Variants in KLF12 observed in about 807,000 individuals in gnomAD.
KLF12 encodes Krueppel-like factor 12.
A neutral mutation model predicts 37.8 loss-of-function variants in KLF12; 9 were observed. The ratio of observed to expected loss-of-function variants is 0.24; its 90% CI spans 0.14 to 0.42. The LOEUF (loss-of-function observed/expected upper bound fraction) is 0.42. Among genes scored for constraint, KLF12 ranks in the 10% least tolerant of loss-of-function variants. The pLI is 1.00. For missense variants in KLF12, 411 were observed against 516.0 expected (o/e 0.80, Z 1.97); for synonymous variants, 208 against 202.1 (o/e 1.03, Z -0.25).
intron 5 of KLF12, among the ~76,000 whole-genome samples, chr13:73,780,328 T>G (rs1594082795): frequency 6.6e-6 from 1 of 152,294 alleles, no homozygotes; most frequent in East Asian, 1.9e-4. Flanking sequence ...GAGATTTTGG[T>G]GCACCTGTCA....
chr13:74,120,701 G>T (rs990455129), intron 1 of KLF12, among the ~76,000 whole-genome samples: 19 of 151,894 alleles, frequency 1.3e-4, no homozygotes, highest in Admixed American at 1.2e-3. Flanking sequence ...GGATGGATAG[G>T]CTATAACATG....
the KLF12 span, among the ~76,000 whole-genome samples, chr13:74,265,400 T>C: frequency 1.3e-5 from 2 of 152,156 alleles, no homozygotes; most frequent in African/African-American, 4.8e-5. Context: ...ATCACAAAGT[T>C]CCTAATAAAT....
intron 7 of KLF12, among the ~76,000 whole-genome samples, chr13:73,697,802 G>A (rs1413384451): frequency 6.6e-6 from 1 of 152,164 alleles, no homozygotes; most frequent in Non-Finnish European, 1.5e-5. Context: ...CTGGAGATGA[G>A]CGTTGCTCAG....
At chr13:74,050,475 A>C (rs7989171) in intron 1 of KLF12, among the ~76,000 whole-genome samples, 1 of 152,080 alleles carries the variant, frequency 6.6e-6, no homozygotes, top group East Asian at 1.9e-4. Context: ...GGATGGTTAC[A>C]GGTAAGCCTG....
At chr13:74,013,657 G>C (rs1217788942) in intron 1 of KLF12, among the ~76,000 whole-genome samples, 1 of 151,996 alleles carries the variant, frequency 6.6e-6, no homozygotes, top group Non-Finnish European at 1.5e-5. Context: ...AGATTTCTCT[G>C]GGCCCTTGCA....
the KLF12 span, among the ~76,000 whole-genome samples, chr13:74,260,962 G>A: frequency 1.3e-5 from 2 of 152,248 alleles, no homozygotes; most frequent in South Asian, 4.2e-4. Context: ...TCAGCTTAAG[G>A]ATACACTGGA....
At chr13:74,109,449 A>T (rs1190888891) in intron 1 of KLF12, among the ~76,000 whole-genome samples, 1 of 152,138 alleles carries the variant, frequency 6.6e-6, no homozygotes, top group Non-Finnish European at 1.5e-5. Flanking sequence ...ACATTTGAAG[A>T]ATAGATAATA....
At chr13:73,785,614 T>TC (rs1881289840) in intron 5 of KLF12, among the ~76,000 whole-genome samples, 1 of 152,156 alleles carries the variant, frequency 6.6e-6, no homozygotes, top group African/African-American at 2.4e-5. Flanking sequence ...TGCCCATTTT[T>TC]TTTTTTTTAG....
intron 3 of KLF12, among the ~76,000 whole-genome samples, chr13:73,869,587 T>A (rs1356759700): frequency 6.6e-6 from 1 of 152,120 alleles, no homozygotes; most frequent in Non-Finnish European, 1.5e-5. Context: ...TTTTCTATAA[T>A]TATTCTGCAA....
intron 3 of KLF12, among the ~76,000 whole-genome samples, chr13:73,892,699 G>T (rs571009929): frequency 5.2e-4 from 79 of 152,268 alleles, no homozygotes; most frequent in Non-Finnish European, 8.2e-4. Context: ...TGGATTGCTA[G>T]AGAAAGACAT....
the KLF12 span, among the ~76,000 whole-genome samples, chr13:74,280,996 T>C: frequency 7.2e-5 from 11 of 152,208 alleles, 1 homozygote; most frequent in South Asian, 2.1e-3. Flanking sequence ...GTGAAAACTA[T>C]TTGTAATCCA....
chr13:73,988,891 T>C (rs1239653013), intron 2 of KLF12, among the ~76,000 whole-genome samples: 2 of 152,242 alleles, frequency 1.3e-5, no homozygotes, highest in African/African-American at 4.8e-5. Context: ...AGAATTTTTT[T>C]CTCATTTAAC....
In KLF12 at chr13:73,912,639, T is replaced by C. The variant is rs1437077590; in HGVS notation, c.123+31342A>G. On this transcript the variant is annotated intron_variant, in intron 3 of 7. Transcript: ENST00000377669. The stretch of plus-strand genomic sequence containing the variant: ...ACAGGTTTCAGAGAGCCCATGTCCC[T>C]GTTGACATGATAACTGTGGACTTCC... Among the ~76,000 whole-genome samples the C allele has an allele frequency of 2.6e-5, 4 of 152,198 alleles. 1 individual carries two copies. The highest frequency in any genetic ancestry group is 1.5e-5 in the Non-Finnish European group (1 of 68,034).
the KLF12 span, among the ~76,000 whole-genome samples, chr13:74,190,879 A>G: frequency 6.6e-6 from 1 of 152,180 alleles, no homozygotes. Context: ...TTCAGAAGAC[A>G]GTGTCTGAGC....
intron 1 of KLF12, among the ~76,000 whole-genome samples, chr13:74,123,307 T>C (rs894403687): frequency 3.3e-5 from 5 of 152,106 alleles, no homozygotes; most frequent in African/African-American, 7.2e-5. Context: ...ATAGGAAAAG[T>C]TTTTCTAGTA....
chr13:73,725,401 G>C (rs1876587188), intron 6 of KLF12, among the ~76,000 whole-genome samples: 1 of 152,092 alleles, frequency 6.6e-6, no homozygotes, highest in African/African-American at 2.4e-5. Context: ...CGCCGGGCCA[G>C]TAATTTTTTA....
At chr13:74,246,445 A>T in the KLF12 span, among the ~76,000 whole-genome samples, 1 of 152,148 alleles carries the variant, frequency 6.6e-6, no homozygotes, top group South Asian at 2.1e-4. Flanking sequence ...GGGCTCAGTT[A>T]TTTGCTCTTG....
chr13:74,200,213 C>G, the KLF12 span, among the ~76,000 whole-genome samples: 1 of 151,804 alleles, frequency 6.6e-6, no homozygotes, highest in South Asian at 2.1e-4. Flanking sequence ...CCTGAGAAGG[C>G]CTAATTGGAT....
chr13:74,004,476 C>T (rs560777498), intron 1 of KLF12, among the ~76,000 whole-genome samples: 3 of 152,264 alleles, frequency 2.0e-5, no homozygotes, highest in Non-Finnish European at 4.4e-5. Flanking sequence ...AGTTTGGCTC[C>T]AGTCTTCATG....
Sources: gnomAD v4.1 joint callset for allele counts (sites outside exome capture counted in the v4.1 genomes callset) on GRCh38, gnomAD v4.1.1 for gene constraint, MANE v1.5 for transcripts, NCBI Gene and HGNC (gene_info 2026-07-23, HGNC 2026-07-21) for gene names.